Variants in MAGI2 observed in about 807,000 individuals in gnomAD.
MAGI2 encodes the protein membrane-associated guanylate kinase, WW and PDZ domain-containing protein 2.
Under a neutral mutation model 133.3 loss-of-function variants are expected in MAGI2, and 35 were observed. That is an observed-to-expected ratio of 0.26 (90% CI 0.20 to 0.35). The LOEUF (loss-of-function observed/expected upper bound fraction) is 0.35, where lower values mean the gene tolerates loss of function less well. MAGI2 is among the 10% of genes least tolerant of loss of function. MAGI2 has a pLI of 1.00. For synonymous variants in MAGI2, 729 were observed against 710.6 expected, an observed-to-expected ratio of 1.03 and a Z score of -0.41; for missense variants, 1,636 against 1,863.4, an observed-to-expected ratio of 0.88 and a Z score of 2.25.
intron 2 of MAGI2, among the ~76,000 whole-genome samples, chr7:79,004,956 C>G (rs138313537): frequency 7.7e-4 from 117 of 152,076 alleles, no homozygotes; most frequent in African/African-American, 2.6e-3. Context: ...GTGGCACATG[C>G]CTGTAATCCC....
chr7:78,576,405 C>T (rs1802269824), intron 3 of MAGI2, among the ~76,000 whole-genome samples: 1 of 152,176 alleles, frequency 6.6e-6, no homozygotes, highest in Admixed American at 6.6e-5. Flanking sequence ...GAAGCAAGGT[C>T]TCTCTGATTG....
At chr7:78,666,676 A>C (rs1295111035) in intron 2 of MAGI2, among the ~76,000 whole-genome samples, 1 of 152,210 alleles carries the variant, frequency 6.6e-6, no homozygotes, top group Non-Finnish European at 1.5e-5. Flanking sequence ...CCAAAGTATG[A>C]GGGAACTTTT....
At chr7:78,681,991 AT>A (rs147903173) in intron 2 of MAGI2, among the ~76,000 whole-genome samples, 29,226 of 150,476 alleles carry the variant, frequency 0.19, 3,028 homozygotes, top group African/African-American at 0.25. Context: ...GACCAAGTAA[AT>A]TTTTTTTTTA....
chr7:79,005,872 G>T (rs1159864081), intron 2 of MAGI2, among the ~76,000 whole-genome samples: 3 of 152,122 alleles, frequency 2.0e-5, no homozygotes, highest in Non-Finnish European at 2.9e-5. Context: ...GGGTCCAAAA[G>T]CCTATTCACT....
At chr7:79,301,793 G>T (rs1479324387) in intron 1 of MAGI2, among the ~76,000 whole-genome samples, 1 of 152,218 alleles carries the variant, frequency 6.6e-6, no homozygotes, top group African/African-American at 2.4e-5. Flanking sequence ...AATCCCCAGT[G>T]CTGGAATAGG....
intron 2 of MAGI2, among the ~76,000 whole-genome samples, chr7:78,906,709 T>A (rs1798015467): frequency 6.6e-6 from 1 of 152,156 alleles, no homozygotes; most frequent in Admixed American, 6.5e-5. Context: ...GTAGTGCTAT[T>A]TTTGGTCAAG....
chr7:79,222,534 T>C (rs1279454864), intron 1 of MAGI2, among the ~76,000 whole-genome samples: 1 of 152,046 alleles, frequency 6.6e-6, no homozygotes, highest in Non-Finnish European at 1.5e-5. Flanking sequence ...GACTGACTGT[T>C]ATAGAGATTC....
At chr7:78,431,950 T>A (rs1222589714) in intron 6 of MAGI2, among the ~76,000 whole-genome samples, 1 of 152,118 alleles carries the variant, frequency 6.6e-6, no homozygotes, top group Non-Finnish European at 1.5e-5. Context: ...TGAACTTTCA[T>A]ATTTCCCACA....
At chr7:79,094,151 C>T (rs1194443152) in intron 1 of MAGI2, among the ~76,000 whole-genome samples, 1 of 152,158 alleles carries the variant, frequency 6.6e-6, no homozygotes, top group Non-Finnish European at 1.5e-5. Context: ...CCTTTCAAAC[C>T]CTGCTGCTGC....
At chr7:78,924,859 T>C (rs547510287) in intron 2 of MAGI2, among the ~76,000 whole-genome samples, 227 of 147,124 alleles carry the variant, frequency 1.5e-3, no homozygotes, top group African/African-American at 4.7e-3. Flanking sequence ...ACTACTATTA[T>C]TATTATTATT....
intron 9 of MAGI2, among the ~76,000 whole-genome samples, chr7:78,324,529 C>T (rs1437420698): frequency 6.6e-6 from 1 of 152,158 alleles, no homozygotes; most frequent in Non-Finnish European, 1.5e-5. Context: ...ACCTATCCTA[C>T]AGGGTTATCA....
chr7:78,737,414 T>C (rs993628178), intron 2 of MAGI2, among the ~76,000 whole-genome samples: 1 of 152,196 alleles, frequency 6.6e-6, no homozygotes, highest in African/African-American at 2.4e-5. Context: ...GGTTCATTGA[T>C]ATGGTTTTCG....
chr7:78,086,548 T>C (rs1009330870), intron 20 of MAGI2, among the ~76,000 whole-genome samples: 7 of 152,090 alleles, frequency 4.6e-5, no homozygotes, highest in African/African-American at 1.7e-4. Flanking sequence ...CTTCTAGGGC[T>C]CTTAACTGGG....
chr7:79,317,486 G>A (rs562824332), intron 1 of MAGI2, among the ~76,000 whole-genome samples: 6 of 152,170 alleles, frequency 3.9e-5, no homozygotes, highest in African/African-American at 1.4e-4. Flanking sequence ...TCTTAGTAAC[G>A]TGTTCCAAAA....
intron 1 of MAGI2, among the ~76,000 whole-genome samples, chr7:79,304,181 A>ATGTGTG (rs373644525): frequency 0.018 from 2,581 of 142,194 alleles, 39 homozygotes; most frequent in Admixed American, 0.02. Context: ...TTCAACTGGG[A>ATGTGTG]TGTGTGTGTG....
intron 21 of MAGI2, among the ~76,000 whole-genome samples, chr7:78,066,841 T>C (rs1813881762): frequency 6.6e-6 from 1 of 152,208 alleles, no homozygotes; most frequent in Non-Finnish European, 1.5e-5. Context: ...ACTTAATCCA[T>C]GCAGCTTGGA....
chr7:79,235,103 C>CTCGGGGG lies in MAGI2; in HGVS notation c.301+217910_301+217916dup, dbSNP rs564331213. Reference sequence around the variant, plus strand: ...TGGGGGGTGCCTCCCAGTTAGGCTGCTCGGGGGTCAGGGGTCAGGGACCCA... The same window carrying CTCGGGGG: ...TGGGGGGTGCCTCCCAGTTAGGCTGCTCGGGGGTCGGGGGTCAGGGGTCAGGGACCCA... On this transcript the variant is annotated intron_variant, in intron 1 of 21. Coordinates refer to ENST00000354212, the MANE Select transcript of MAGI2 (RefSeq NM_012301.4). Among the ~76,000 whole-genome samples the CTCGGGGG allele has an allele frequency of 5.5e-4, 84 of 151,552 alleles. 3 individuals are homozygous for CTCGGGGG. In the South Asian group the frequency reaches 0.017, roughly 31 times the overall value.
intron 1 of MAGI2, among the ~76,000 whole-genome samples, chr7:79,448,955 C>G (rs1472164349): frequency 6.6e-6 from 1 of 152,014 alleles, no homozygotes; most frequent in Admixed American, 6.6e-5. Context: ...ATAAATTATG[C>G]CCCAAGAGAA....
chr7:79,260,678 G>A (rs1234887350), intron 1 of MAGI2, among the ~76,000 whole-genome samples: 1 of 152,014 alleles, frequency 6.6e-6, no homozygotes, highest in Admixed American at 6.6e-5. Flanking sequence ...TCAAAACACT[G>A]TCAAAACTTT....
Sources: gnomAD v4.1 joint callset for allele counts (sites outside exome capture counted in the v4.1 genomes callset) on GRCh38, gnomAD v4.1.1 for gene constraint, MANE v1.5 for transcripts, NCBI Gene and HGNC (gene_info 2026-07-23, HGNC 2026-07-21) for gene names.